Variants in ASPRV1 observed in about 807,000 individuals in gnomAD.
ASPRV1 encodes aspartic peptidase retroviral like 1.
A neutral mutation model predicts 11.0 loss-of-function variants in ASPRV1; 7 were observed. That is an observed-to-expected ratio of 0.64 (90% CI 0.36 to 1.20). The LOEUF (loss-of-function observed/expected upper bound fraction) is 1.20, where lower values mean the gene tolerates loss of function less well. Among genes scored for constraint, ASPRV1 ranks in the 50% most tolerant of loss-of-function variants. The probability of loss-of-function intolerance (pLI) is 0.02; values close to 1 mark genes in which losing one functional copy is unlikely to be tolerated. For missense variants in ASPRV1, 299 were observed against 320.0 expected (o/e 0.93, Z 0.50); for synonymous variants, 136 against 138.4 (o/e 0.98, Z 0.12).
the ASPRV1 span, among the ~76,000 whole-genome samples, chr2:70,059,349 T>C: frequency 2.0e-5 from 3 of 151,622 alleles, no homozygotes; most frequent in African/African-American, 4.8e-5. Flanking sequence ...GTTTGTTACA[T>C]AGGTATGCAC....
chr2:70,074,027 G>A, the ASPRV1 span, among the ~76,000 whole-genome samples: 8 of 150,476 alleles, frequency 5.3e-5, no homozygotes, highest in Non-Finnish European at 1.2e-4. Flanking sequence ...CCAGCTACTC[G>A]GGAGGGTGAG....
At chr2:69,968,137 T>C in the ASPRV1 span, among the ~76,000 whole-genome samples, 1 of 152,070 alleles carries the variant, frequency 6.6e-6, no homozygotes, top group Non-Finnish European at 1.5e-5. Context: ...AGGGAATAAA[T>C]AGGAAACTTC....
chr2:69,985,628 A>C, the ASPRV1 span, among the ~76,000 whole-genome samples: 9 of 152,346 alleles, frequency 5.9e-5, no homozygotes, highest in African/African-American at 2.2e-4. Context: ...ACTAGTAAGA[A>C]AGGGAAACTT....
chr2:70,024,582 A>T, the ASPRV1 span, among the ~76,000 whole-genome samples: 6 of 152,038 alleles, frequency 3.9e-5, no homozygotes, highest in African/African-American at 1.5e-4. Flanking sequence ...CCCTGACCAC[A>T]ATCCCCTTCT....
At chr2:69,966,485 G>A (rs889420719), upstream of ASPRV1, among the ~76,000 whole-genome samples, 2 of 152,154 alleles carry the variant, frequency 1.3e-5, no homozygotes, top group African/African-American at 4.8e-5. Context: ...CCCTCTTCAG[G>A]GTCCCCTCTG....
At chr2:70,024,361 T>C in the ASPRV1 span, among the ~76,000 whole-genome samples, 4 of 152,184 alleles carry the variant, frequency 2.6e-5, no homozygotes, top group Admixed American at 6.5e-5. Context: ...CGTTCATTAG[T>C]TGCAGTCTTC....
At chr2:69,948,839 A>T in the ASPRV1 span, among the ~76,000 whole-genome samples, 1 of 151,912 alleles carries the variant, frequency 6.6e-6, no homozygotes, top group African/African-American at 2.4e-5. Context: ...GACAGCACTC[A>T]GGCCTCCCCC....
At chr2:69,986,484 C>T in the ASPRV1 span, among the ~76,000 whole-genome samples, 1 of 152,210 alleles carries the variant, frequency 6.6e-6, no homozygotes, top group Non-Finnish European at 1.5e-5. Context: ...TGTGGGAACA[C>T]CTACAAAGGC....
the ASPRV1 span, among the ~76,000 whole-genome samples, chr2:69,989,015 TTC>T: frequency 6.6e-6 from 1 of 152,240 alleles, no homozygotes; most frequent in African/African-American, 2.4e-5. Context: ...ACTGCCTTCC[TTC>T]TCTAAAACAA....
chr2:70,047,480 T>A, the ASPRV1 span, among the ~76,000 whole-genome samples: 1 of 152,198 alleles, frequency 6.6e-6, no homozygotes, highest in Non-Finnish European at 1.5e-5. Context: ...TGTAACTATA[T>A]AAGCTATGTG....
the ASPRV1 span, chr2:69,937,377 G>A: frequency 2.5e-5 from 41 of 1,608,676 alleles, no homozygotes; most frequent in Admixed American, 2.0e-4. Flanking sequence ...TCCTCGGAGC[G>A]CTCCGACTCC....
At chr2:69,965,535 A>T (rs1317183180), upstream of ASPRV1, among the ~76,000 whole-genome samples, 4 of 152,248 alleles carry the variant, frequency 2.6e-5, no homozygotes, top group Non-Finnish European at 5.9e-5. Flanking sequence ...CCACATTCAA[A>T]GCGGGCAGGA....
At chr2:70,075,634 G>A in the ASPRV1 span, among the ~76,000 whole-genome samples, 1 of 152,062 alleles carries the variant, frequency 6.6e-6, no homozygotes, top group African/African-American at 2.4e-5. Flanking sequence ...ATCACCTGAG[G>A]CTGGGAGTTC....
At chr2:69,964,350 G>A (rs930129671), upstream of ASPRV1, 10 of 455,866 alleles carry the variant, frequency 2.2e-5, no homozygotes, top group African/African-American at 4.0e-5. Context: ...ACAGAAACAC[G>A]CAGGGGCCTC....
the ASPRV1 span, among the ~76,000 whole-genome samples, chr2:70,022,505 G>A: frequency 6.6e-6 from 1 of 151,844 alleles, no homozygotes; most frequent in Non-Finnish European, 1.5e-5. Context: ...GGGCAACATA[G>A]TGAGACCTCA....
the ASPRV1 span, chr2:70,080,991 G>C: frequency 6.6e-6 from 1 of 152,102 alleles, no homozygotes; most frequent in Non-Finnish European, 1.5e-5. Context: ...GGCTTGTCTT[G>C]AATTCGTAGG....
the ASPRV1 span, among the ~76,000 whole-genome samples, chr2:70,023,393 G>A: frequency 3.9e-5 from 6 of 152,236 alleles, no homozygotes; most frequent in African/African-American, 1.2e-4. Context: ...ACAGGGCTGA[G>A]AGCAGGGTGA....
chr2:69,953,910 G>T, the ASPRV1 span, among the ~76,000 whole-genome samples: 2 of 151,010 alleles, frequency 1.3e-5, no homozygotes, highest in South Asian at 4.2e-4. Flanking sequence ...GTAGAGACAG[G>T]TTTCACCATG....
chr2:69,959,416 A>G (rs1678009488), downstream of ASPRV1, among the ~76,000 whole-genome samples: 1 of 152,082 alleles, frequency 6.6e-6, no homozygotes, highest in Middle Eastern at 3.2e-3. Context: ...TTTGAGTTTC[A>G]GATTCCCAGC....
Sources: gnomAD v4.1 joint callset for allele counts (sites outside exome capture counted in the v4.1 genomes callset) on GRCh38, gnomAD v4.1.1 for gene constraint, MANE v1.5 for transcripts, NCBI Gene and HGNC (gene_info 2026-07-23, HGNC 2026-07-21) for gene names.